The following NR4A3 variants were observed in gnomAD, a reference collection of about 807,000 sequenced individuals.
NR4A3 encodes nuclear receptor subfamily 4 group A member 3.
In NR4A3, 13 loss-of-function variants were observed where a neutral mutation model predicts 55.6. That is an observed-to-expected ratio of 0.23 (90% CI 0.15 to 0.37). The LOEUF (loss-of-function observed/expected upper bound fraction) is 0.37, where lower values mean the gene tolerates loss of function less well. NR4A3 is among the 10% of genes least tolerant of loss of function. The pLI, the probability that NR4A3 is intolerant of heterozygous loss-of-function variation, is 1.00. For missense variants in NR4A3, 646 were observed against 822.8 expected (o/e 0.79, Z 2.63); for synonymous variants, 342 against 357.9 (o/e 0.96, Z 0.50).
rs1828053931 is a variant in NR4A3 at position 99,864,149 on chromosome 9, A to G, written c.*282A>G. The G allele has an allele frequency of 2.7e-6, 1 of 365,234 alleles. No homozygotes were observed. The highest frequency in any genetic ancestry group is 5.3e-5 in the South Asian group (1 of 18,756). The allele number at this position is 365,234 out of a possible 1,614,324, so 22.6% of individuals were successfully genotyped here. On this transcript the variant is annotated 3_prime_UTR_variant, in exon 8 of 8. Coordinates refer to ENST00000395097, the MANE Select transcript of NR4A3 (RefSeq NM_006981.4). The stretch of plus-strand genomic sequence containing the variant: ...AGGGTTTTCTAAGAAATTGCTAACA[A>G]AGCACTTTTGGACAATGCTATCCCA...
chr9:99,827,488 G>A (rs1827324658), intron 2 of NR4A3, among the ~76,000 whole-genome samples: 1 of 152,282 alleles, frequency 6.6e-6, no homozygotes, highest in Non-Finnish European at 1.5e-5. Context: ...CAACCACAAC[G>A]TGTGTGGGCA....
intron 1 of NR4A3, among the ~76,000 whole-genome samples, chr9:99,823,801 C>T (rs1337878419): frequency 1.3e-5 from 2 of 151,532 alleles, no homozygotes; most frequent in Non-Finnish European, 1.5e-5. Flanking sequence ...TTCTTCCCCG[C>T]GGTTTGTCTA....
At chr9:99,832,594 C>T in intron 3 of NR4A3, 95 bp from the exon 4 acceptor site, 1 of 1,069,222 alleles carries the variant, frequency 9.4e-7, no homozygotes, top group Non-Finnish European at 1.3e-6. Context: ...ACGAATTGCA[C>T]TGTCGCTTTT....
rs1279896011 is a variant in NR4A3, at chr9:99,864,537, A to G, written c.*670A>G. ...TTAACTCTCCTTTATTCTATATGGA[A>G]ATAAAAAGGAGGCAGTCATGTTAGC... On this transcript the variant is annotated 3_prime_UTR_variant, in exon 8 of 8. Transcript: ENST00000395097. 4.4e-6 allele frequency: 1 copy of G among 226,796 alleles called. No individual in the cohort carries two copies. Among genetic ancestry groups the G allele is most frequent in the African/African-American group, 2.2e-5 (1 of 44,930 alleles). 14.0% of individuals were successfully genotyped at this position (226,796 alleles called of 1,614,324 possible).
At chr9:99,834,404 G>A (rs966660532) in intron 5 of NR4A3, among the ~76,000 whole-genome samples, 1 of 152,180 alleles carries the variant, frequency 6.6e-6, no homozygotes, top group African/African-American at 2.4e-5. Context: ...GTTTCTATAT[G>A]CTAGACATTG....
At position 99,833,816 on chromosome 9, in the gene NR4A3, C is replaced by T. The variant is rs928398872; in HGVS notation, c.1254+362C>T. 3 of 1,298,346 alleles carry T rather than the reference C, an allele frequency of 2.3e-6. 1 individual carries two copies. The Admixed American group carries it at 9.8e-5, about 42-fold the overall frequency. The allele number at this position is 1,298,346 out of a possible 1,614,324, so 80.4% of individuals were successfully genotyped here. ...TGTTTTTTTTCATATTGTGTTCAAACCATCTGGGTGAGCCTCAAGTTATTA... is the reference window on the plus strand; with the variant it reads ...TGTTTTTTTTCATATTGTGTTCAAATCATCTGGGTGAGCCTCAAGTTATTA... On this transcript the variant is annotated intron_variant, in intron 5 of 7. Coordinates refer to ENST00000395097, the MANE Select transcript of NR4A3 (RefSeq NM_006981.4).
Position 99,863,839 on chromosome 9 carries a change from A to G in NR4A3, c.1853A>G (p.Lys618Arg), listed in dbSNP as rs1564041759. ...DLVSPPSIID[K>R]LFLDTLPF ...GTGTCTCCACCTTCCATCATTGACA[A>G]GCTCTTCCTGGACACCCTACCTTTC... Residue 618 changes from lysine to arginine, a missense_variant, in exon 8 of 8, where the codon AAG becomes AGG. Lys to Arg is a conservative substitution (Grantham distance 26, BLOSUM62 2). Coordinates refer to ENST00000395097, the MANE Select transcript of NR4A3 (RefSeq NM_006981.4). 6.2e-7 allele frequency: 1 copy of G among 1,613,788 alleles called. No homozygotes were observed.
chr9:99,823,248 GAAA>G (rs1351121208), intron 1 of NR4A3, among the ~76,000 whole-genome samples: 4 of 152,128 alleles, frequency 2.6e-5, no homozygotes, highest in Admixed American at 6.5e-5. Context: ...TAGTAGAAAT[GAAA>G]GTTCTCGGTG....
Position 99,864,652 on chromosome 9 carries a change from A to T in NR4A3, c.*785A>T, listed in dbSNP as rs957898184. ...ATGGCCCATCCAAGACTTTTAGGCC[A>T]TTCTTGATGGAACCAGATCCCTGCC... On this transcript the variant is annotated 3_prime_UTR_variant, in exon 8 of 8. Coordinates refer to ENST00000395097, the MANE Select transcript of NR4A3 (RefSeq NM_006981.4). The T allele has an allele frequency of 4.4e-6, 1 of 228,290 alleles. No homozygotes were observed. The highest frequency in any genetic ancestry group is 2.2e-5 in the African/African-American group (1 of 45,072). 14.1% of individuals were successfully genotyped at this position (228,290 alleles called of 1,614,324 possible).
rs1417658566 is a variant in NR4A3 at position 99,863,668 on chromosome 9, A to C, written c.1682A>C (p.Lys561Thr). ...AAGAGAGTCGAAGAGCTATGCAACA[A>C]GATCACAAGCAGTTTAAAAGACCAC... is the stretch of plus-strand genomic sequence containing the variant. ...EPKRVEELCN[K>T]ITSSLKDHQS... Residue 561 changes from lysine to threonine, a missense_variant, in exon 8 of 8, where the codon AAG becomes ACG. Coordinates refer to ENST00000395097, the MANE Select transcript of NR4A3 (RefSeq NM_006981.4). The C allele has an allele frequency of 1.2e-6, 2 of 1,614,040 alleles. No individual in the cohort carries two copies. Among genetic ancestry groups the C allele is most frequent in the East Asian group, 4.5e-5 (2 of 44,840 alleles).
rs117932040 is a variant in NR4A3 at position 99,858,229 on chromosome 9, A to G, written c.1634-5391A>G. On this transcript the variant is annotated intron_variant, in intron 7 of 7. Coordinates refer to ENST00000395097, the MANE Select transcript of NR4A3 (RefSeq NM_006981.4). ...CTTCCTTCAAGAAATATTTGATCTG[A>G]GATCCAAAGAATGAGTATATCTTAA... Among the ~76,000 whole-genome samples the G allele has an allele frequency of 8.8e-3, 1,334 of 152,324 alleles. 7 individuals carry two copies. The highest frequency in any genetic ancestry group is 0.016 in the Non-Finnish European group (1,065 of 68,026).
rs1273204146 is a variant in NR4A3, at chr9:99,828,497, C to A, written c.455C>A (p.Ala152Glu). ...TPTTPAFPPQAGALWDEALPS... is the reference protein window; with the variant it reads ...TPTTPAFPPQEGALWDEALPS... Reference sequence around the variant, plus strand: ...ACCACGCCGGCCTTCCCCCCGCAGGCGGGGGCGTTATGGGACGAGGCACTG... The same window carrying A: ...ACCACGCCGGCCTTCCCCCCGCAGGAGGGGGCGTTATGGGACGAGGCACTG... Residue 152 changes from alanine to glutamate, a missense_variant, in exon 3 of 8, where the codon GCG (alanine) becomes GAG (glutamate). Transcript: ENST00000395097. The surrounding 1 kb of genome is among the most constrained non-coding windows in gnomAD (Gnocchi z 7.7). 16 of 1,581,316 alleles carry A rather than the reference C, an allele frequency of 1.0e-5. No individual in the cohort carries two copies. The South Asian group carries it at 1.9e-4, about 18-fold the overall frequency.
At chr9:99,832,863 C>T in intron 4 of NR4A3, 45 bp downstream of exon 4, 1 of 1,396,230 alleles carries the variant, frequency 7.2e-7, no homozygotes, top group Non-Finnish European at 9.4e-7. Context: ...TACATATTAT[C>T]AGAAATCAGT....
In NR4A3 at chr9:99,832,831, T is replaced by C. The variant is rs1372066357; in HGVS notation, c.1081+13T>C. 6.5e-7 allele frequency: 1 copy of C among 1,529,352 alleles called. No homozygotes were observed. Among genetic ancestry groups the C allele is most frequent in the Non-Finnish European group, 8.9e-7 (1 of 1,128,246 alleles). 94.7% of individuals were successfully genotyped at this position (1,529,352 alleles called of 1,614,324 possible). On this transcript the variant is annotated intron_variant, in intron 4 of 7. Coordinates refer to ENST00000395097, the MANE Select transcript of NR4A3 (RefSeq NM_006981.4). The stretch of plus-strand genomic sequence containing the variant: ...ATGGTAAAAGAAGGTATGGATATAA[T>C]GCTTTTTACCCAGTTTGCTTATACA...
At chr9:99,844,628 T>C in intron 5 of NR4A3, 21 bp from the exon 6 acceptor site, 3 of 1,608,816 alleles carry the variant, frequency 1.9e-6, no homozygotes, top group Non-Finnish European at 2.6e-6. Flanking sequence ...ATAATGCTGC[T>C]CTCTCTGGTT....
rs561392765 is a variant in NR4A3 at position 99,823,077 on chromosome 9, T to A, written c.-177+670T>A. On this transcript the variant is annotated intron_variant, in intron 1 of 7. Coordinates refer to ENST00000395097, the MANE Select transcript of NR4A3 (RefSeq NM_006981.4). ...TCGCTGACATGCCGGTTTACACTTT[T>A]CCCTTAGGAGGTAAATCGGGTGTAA... Among the ~76,000 whole-genome samples, 23 of 152,300 alleles carry A rather than the reference T, an allele frequency of 1.5e-4. 1 individual carries two copies. In the South Asian group the frequency reaches 3.5e-3, roughly 23 times the overall value.
intron 6 of NR4A3, among the ~76,000 whole-genome samples, chr9:99,846,541 CA>C (rs1827756525): frequency 6.6e-6 from 1 of 152,180 alleles, no homozygotes; most frequent in South Asian, 2.1e-4. Flanking sequence ...TAGCCCTCTG[CA>C]GCCCCAATGT....
chr9:99,853,017 G>C (rs1055869043), intron 7 of NR4A3, among the ~76,000 whole-genome samples: 14 of 152,208 alleles, frequency 9.2e-5, no homozygotes, highest in Non-Finnish European at 1.5e-4. Context: ...ACAGGATTTA[G>C]AGACCGGAGA....
chr9:99,840,412 T>C (rs1827632516), intron 5 of NR4A3, among the ~76,000 whole-genome samples: 1 of 152,230 alleles, frequency 6.6e-6, no homozygotes. Flanking sequence ...TTGTGAGCCA[T>C]GGATTCAGGG....
Sources: allele counts gnomAD v4.1 joint callset (sites outside exome capture counted in the v4.1 genomes callset), GRCh38; gene constraint gnomAD v4.1.1; non-coding constraint Gnocchi (gnomAD v3.1); transcripts MANE v1.5; gene names NCBI Gene and HGNC (gene_info 2026-07-23, HGNC 2026-07-21).